The following PAPSS1 variants were observed in gnomAD, a reference collection of about 807,000 sequenced individuals.
The protein encoded by PAPSS1 is 3'-phosphoadenosine 5'-phosphosulfate synthase 1, also known as bifunctional 3'-phosphoadenosine 5'-phosphosulfate synthase 1.
Under a neutral mutation model 72.0 loss-of-function variants are expected in PAPSS1, and 50 were observed. The ratio of observed to expected loss-of-function variants is 0.69; its 90% CI spans 0.55 to 0.88. The LOEUF (loss-of-function observed/expected upper bound fraction) is 0.88, where lower values mean the gene tolerates loss of function less well. Ranked by LOEUF, PAPSS1 falls within the 40% of genes least tolerant of loss-of-function variation. The pLI is 0.00. For synonymous variants in PAPSS1, 261 were observed against 263.6 expected (o/e 0.99, Z 0.09); for missense variants, 657 against 782.2 (o/e 0.84, Z 1.91).
chr4:107,685,994 C>T (rs554189688), intron 4 of PAPSS1, among the ~76,000 whole-genome samples: 37 of 152,162 alleles, frequency 2.4e-4, no homozygotes, highest in African/African-American at 4.6e-4. Context: ...TGTTTTGTTT[C>T]GTTTTGTTTT....
Position 107,701,298 on chromosome 4 carries a change from G to GA in PAPSS1, c.61-14dup, listed in dbSNP as rs377503475. 4.2e-3 allele frequency: 5,866 copies of GA among 1,392,860 alleles called. 1 individual carries two copies. Among genetic ancestry groups the GA allele is most frequent in the African/African-American group, 4.7e-3 (319 of 67,584 alleles). The allele number at this position is 1,392,860 out of a possible 1,614,324, so 86.3% of individuals were successfully genotyped here. A position where few individuals can be genotyped will look rare whatever the true frequency, so the allele number is the denominator to read the frequency against. On this transcript the variant is annotated splice_polypyrimidine_tract_variant and intron_variant, in intron 1 of 11. Coordinates refer to ENST00000265174, the MANE Select transcript of PAPSS1 (RefSeq NM_005443.5). The stretch of plus-strand genomic sequence containing the variant: ...CTCTCTGCATTCCCTAGAAAAAAAA[G>GA]AAAAAAAAAATTCTAGTTTACATGA...
At chr4:107,705,856 T>G (rs2125939061) in intron 1 of PAPSS1, among the ~76,000 whole-genome samples, 1 of 152,354 alleles carries the variant, frequency 6.6e-6, no homozygotes, top group African/African-American at 2.4e-5. Flanking sequence ...ACATGTCTGG[T>G]AGTGATGAAC....
chr4:107,633,038 A>C (rs1726262945), intron 10 of PAPSS1, among the ~76,000 whole-genome samples: 1 of 152,204 alleles, frequency 6.6e-6, no homozygotes, highest in African/African-American at 2.4e-5. Context: ...GAGGGGTTTC[A>C]ACTTTTTAAG....
At chr4:107,698,515 T>C (rs1723128017) in intron 2 of PAPSS1, among the ~76,000 whole-genome samples, 2 of 152,112 alleles carry the variant, frequency 1.3e-5, no homozygotes, top group Non-Finnish European at 1.5e-5. Flanking sequence ...ATAACTCTTC[T>C]TGGATCCGTG....
Position 107,720,203 on chromosome 4 carries a change from C to T in PAPSS1, c.-24G>A. 1.9e-6 allele frequency: 3 copies of T among 1,595,262 alleles called. No individual in the cohort carries two copies. The highest frequency in any genetic ancestry group is 1.1e-5 in the South Asian group (1 of 89,042). On this transcript the variant is annotated 5_prime_UTR_variant, in exon 1 of 12. Coordinates refer to ENST00000265174, the MANE Select transcript of PAPSS1 (RefSeq NM_005443.5). ...ATGACCGCGGAGCGCGCTGAGCAGC[C>T]GGGGTTCTCTGCGCCGGGAGGGTAG...
In PAPSS1 at chr4:107,613,937, G is replaced by T; in HGVS notation, c.*312C>A. ...AGCAAGATTTAATGTGAATACTACT[G>T]GTTACAACTAATATAACAGCTTGAA... On this transcript the variant is annotated 3_prime_UTR_variant, in exon 12 of 12. Coordinates refer to ENST00000265174, the MANE Select transcript of PAPSS1 (RefSeq NM_005443.5). 1 of 181,192 alleles carries T rather than the reference G, an allele frequency of 5.5e-6. No individual in the cohort carries two copies. The highest frequency in any genetic ancestry group is 1.1e-5 in the Non-Finnish European group (1 of 88,264). The allele number at this position is 181,192 out of a possible 1,614,324, so 11.2% of individuals were successfully genotyped here. A position where few individuals can be genotyped will look rare whatever the true frequency, so the allele number is the denominator to read the frequency against.
intron 4 of PAPSS1, 97 bp from the exon 5 acceptor site, chr4:107,682,230 G>A (rs1181984952): frequency 1.7e-6 from 1 of 580,042 alleles, no homozygotes; most frequent in Non-Finnish European, 3.0e-6. Context: ...GTTAGTATCT[G>A]CGCTGTCCCC....
intron 8 of PAPSS1, among the ~76,000 whole-genome samples, chr4:107,654,244 C>T (rs1479994765): frequency 1.3e-5 from 2 of 152,188 alleles, no homozygotes; most frequent in Admixed American, 6.5e-5. Flanking sequence ...ACTTCAATAA[C>T]ATTCCACATA....
intron 11 of PAPSS1, among the ~76,000 whole-genome samples, chr4:107,619,891 A>T (rs570662491): frequency 6.6e-6 from 1 of 152,344 alleles, no homozygotes; most frequent in South Asian, 2.1e-4. Context: ...AGGGGAAAAA[A>T]ACCCGAAATG....
At chr4:107,653,143 ATC>A (rs1350820530) in intron 9 of PAPSS1, among the ~76,000 whole-genome samples, 5 of 149,804 alleles carry the variant, frequency 3.3e-5, no homozygotes, top group African/African-American at 9.7e-5. Context: ...ATGAATATAT[ATC>A]TCTCTCATGT....
chr4:107,678,246 T>TAAAAAAATAAAA (rs3035994), intron 5 of PAPSS1, among the ~76,000 whole-genome samples: 7 of 151,338 alleles, frequency 4.6e-5, no homozygotes, highest in East Asian at 2.0e-4. Flanking sequence ...ATAAAAAAAA[T>TAAAAAAATAAAA]AAGAGATGGA....
At chr4:107,663,013 C>G (rs1252246011) in intron 5 of PAPSS1, among the ~76,000 whole-genome samples, 1 of 152,194 alleles carries the variant, frequency 6.6e-6, no homozygotes, top group African/African-American at 2.4e-5. Context: ...CATACAGATT[C>G]TTTGCAGCTA....
chr4:107,624,489 T>C (rs1210288643), intron 11 of PAPSS1, among the ~76,000 whole-genome samples: 1 of 152,126 alleles, frequency 6.6e-6, no homozygotes. Flanking sequence ...TTGCAAATAG[T>C]AAAGACTCCA....
intron 7 of PAPSS1, 21 bp from the exon 8 acceptor site, chr4:107,654,921 T>C: frequency 6.3e-7 from 1 of 1,582,100 alleles, no homozygotes; most frequent in Non-Finnish European, 8.7e-7. Context: ...CAAAAGAACA[T>C]GAAGCACACA....
chr4:107,706,744 T>C (rs1431108117), intron 1 of PAPSS1, among the ~76,000 whole-genome samples: 1 of 152,218 alleles, frequency 6.6e-6, no homozygotes, highest in Non-Finnish European at 1.5e-5. Context: ...GATTCCAGTC[T>C]TTGTAGACTG....
intron 1 of PAPSS1, among the ~76,000 whole-genome samples, chr4:107,712,046 A>C (rs1307043105): frequency 1.3e-5 from 2 of 152,220 alleles, no homozygotes. Context: ...TCTCATCAGT[A>C]CCATCTGTCA....
intron 9 of PAPSS1, 149 bp downstream of exon 9, chr4:107,653,342 G>A (rs1726907046): frequency 7.4e-6 from 4 of 542,018 alleles, no homozygotes; most frequent in Non-Finnish European, 1.2e-5. Flanking sequence ...AACTACCCAG[G>A]CTAGTTTTGA....
chr4:107,658,645 G>C (rs1256428183), intron 6 of PAPSS1, among the ~76,000 whole-genome samples: 1 of 152,120 alleles, frequency 6.6e-6, no homozygotes, highest in African/African-American at 2.4e-5. Flanking sequence ...TTTATTCCCA[G>C]AGTATGTTTG....
chr4:107,639,041 G>A (rs1008124775), intron 10 of PAPSS1, among the ~76,000 whole-genome samples: 18 of 152,260 alleles, frequency 1.2e-4, no homozygotes, highest in African/African-American at 4.3e-4. Context: ...GGAGGAAACT[G>A]TATAGATTAC....
Sources: allele counts gnomAD v4.1 joint callset (sites outside exome capture counted in the v4.1 genomes callset), GRCh38; gene constraint gnomAD v4.1.1; transcripts MANE v1.5; gene names NCBI Gene and HGNC (gene_info 2026-07-23, HGNC 2026-07-21).